The following PHLDB2 variants were observed in gnomAD, a reference collection of about 807,000 sequenced individuals.
PHLDB2 encodes the protein pleckstrin homology like domain family B member 2.
PHLDB2 carries 71 observed loss-of-function variants against 123.6 expected under a neutral mutation model. The observed-to-expected ratio is 0.57, with a 90% CI of 0.47 to 0.70. The LOEUF is 0.70. PHLDB2 is among the 30% of genes least tolerant of loss of function. The probability of loss-of-function intolerance (pLI) is 0.00; values close to 1 mark genes in which losing one functional copy is unlikely to be tolerated. For synonymous variants in PHLDB2, 547 were observed against 541.6 expected (o/e 1.01, Z -0.14); for missense variants, 1,446 against 1,519.5 (o/e 0.95, Z 0.80).
At chr3:111,877,234 G>GT (rs1194484899) in intron 1 of PHLDB2, among the ~76,000 whole-genome samples, 1 of 152,214 alleles carries the variant, frequency 6.6e-6, no homozygotes, top group Admixed American at 6.5e-5. Flanking sequence ...AACATCTGTT[G>GT]TTTCCTGACT....
chr3:111,831,017 GAAAGAAAGAAAGAAAGGAAGGAAGGAA>G (rs2062990177), intron 1 of PHLDB2, among the ~76,000 whole-genome samples: 1 of 109,768 alleles, frequency 9.1e-6, no homozygotes, highest in African/African-American at 4.4e-5. Context: ...AAGAAAGAAA[GAAAGAAAGAAAGAAAGGAAGGAAGGAA>G]GAAAGAGAAA....
chr3:111,845,217 T>G (rs1424749319), intron 1 of PHLDB2, among the ~76,000 whole-genome samples: 1 of 151,760 alleles, frequency 6.6e-6, no homozygotes, highest in Admixed American at 6.6e-5. Flanking sequence ...TAGCCAGGCC[T>G]GGTGGCACAT....
At chr3:111,781,370 C>A (rs762589922) in intron 1 of PHLDB2, among the ~76,000 whole-genome samples, 2 of 152,000 alleles carry the variant, frequency 1.3e-5, no homozygotes, top group Non-Finnish European at 2.9e-5. Flanking sequence ...TCCCATCCTT[C>A]TTTATCCCTC....
chr3:111,833,981 A>T lies in PHLDB2; in HGVS notation c.-48-11840A>T, dbSNP rs1206434544. On this transcript the variant is annotated intron_variant, in intron 1 of 17. Coordinates refer to the PHLDB2 transcript ENST00000393923. The stretch of plus-strand genomic sequence containing the variant: ...ATATATGTAATGGAATTATATATAT[A>T]ATATATGTAATAGAATTATATATAA... 4.4e-3 allele frequency among the ~76,000 whole-genome samples: 477 copies of T among 108,606 alleles called. 143 individuals are homozygous for T. The highest frequency in any genetic ancestry group is 0.016 in the African/African-American group (378 of 24,098). 71.2% of individuals were successfully genotyped at this position (108,606 alleles called of 152,430 possible).
At chr3:111,814,782 C>A (rs922801430) in intron 1 of PHLDB2, among the ~76,000 whole-genome samples, 1 of 152,128 alleles carries the variant, frequency 6.6e-6, no homozygotes, top group East Asian at 1.9e-4. Context: ...GAGGGAAACC[C>A]GAGGAACATC....
chr3:111,866,684 T>G (rs1370321933), intron 1 of PHLDB2, among the ~76,000 whole-genome samples: 1 of 152,210 alleles, frequency 6.6e-6, no homozygotes, highest in Non-Finnish European at 1.5e-5. Flanking sequence ...TTGATAATTC[T>G]CTTGCTTGAA....
intron 1 of PHLDB2, among the ~76,000 whole-genome samples, chr3:111,861,547 A>G (rs928841647): frequency 6.6e-6 from 1 of 152,210 alleles, no homozygotes; most frequent in African/African-American, 2.4e-5. Flanking sequence ...AGTAGTCATC[A>G]TTTCAGTCAA....
intron 1 of PHLDB2, among the ~76,000 whole-genome samples, chr3:111,739,959 AT>A (rs1354851884): frequency 2.0e-5 from 3 of 151,844 alleles, no homozygotes; most frequent in South Asian, 4.2e-4. Flanking sequence ...CATTTTTAAA[AT>A]TTTTTTTTAC....
intron 1 of PHLDB2, among the ~76,000 whole-genome samples, chr3:111,862,475 A>T (rs977161479): frequency 2.0e-5 from 3 of 152,208 alleles, no homozygotes; most frequent in Admixed American, 6.5e-5. Context: ...GGTTGTAGCA[A>T]CTGACAGGAG....
intron 1 of PHLDB2, among the ~76,000 whole-genome samples, chr3:111,771,283 CTG>C (rs1285197080): frequency 6.6e-6 from 1 of 152,126 alleles, no homozygotes; most frequent in African/African-American, 2.4e-5. Flanking sequence ...GTCTTAGCTT[CTG>C]GTGGTTTTCT....
At chr3:111,931,049 A>T (rs1246334715) in intron 5 of PHLDB2, among the ~76,000 whole-genome samples, 1 of 152,200 alleles carries the variant, frequency 6.6e-6, no homozygotes, top group Non-Finnish European at 1.5e-5. Context: ...GGCCATTTTG[A>T]TAAAATGTAG....
intron 1 of PHLDB2, among the ~76,000 whole-genome samples, chr3:111,825,977 T>A (rs1305703554): frequency 6.6e-6 from 1 of 152,086 alleles, no homozygotes; most frequent in Non-Finnish European, 1.5e-5. Context: ...TTTATTTTTG[T>A]CATTTTTCCT....
At chr3:111,839,155 C>A (rs1051688051) in intron 1 of PHLDB2, among the ~76,000 whole-genome samples, 4 of 151,914 alleles carry the variant, frequency 2.6e-5, no homozygotes, top group Admixed American at 1.3e-4. Flanking sequence ...ATAAATTAGC[C>A]AAGAGGCCAC....
At chr3:111,787,395 G>A (rs768205630) in intron 1 of PHLDB2, among the ~76,000 whole-genome samples, 2 of 152,212 alleles carry the variant, frequency 1.3e-5, no homozygotes. Context: ...GAACTTATAA[G>A]TGAGATATTC....
chr3:111,787,515 C>T (rs1246461852), intron 1 of PHLDB2, among the ~76,000 whole-genome samples: 3 of 152,156 alleles, frequency 2.0e-5, no homozygotes, highest in African/African-American at 7.2e-5. Flanking sequence ...TGGTGTGTGA[C>T]TGTGGCCTGA....
chr3:111,947,199 A>G (rs942493571), intron 9 of PHLDB2, among the ~76,000 whole-genome samples: 7 of 152,202 alleles, frequency 4.6e-5, no homozygotes, highest in Non-Finnish European at 1.0e-4. Flanking sequence ...TGGGCTCTAA[A>G]GTCTTTTCGT....
chr3:111,864,243 A>T (rs1469943349), intron 1 of PHLDB2, among the ~76,000 whole-genome samples: 1 of 152,186 alleles, frequency 6.6e-6, no homozygotes, highest in African/African-American at 2.4e-5. Context: ...TCATCTGGCC[A>T]TTCTTGTTAC....
intron 1 of PHLDB2, among the ~76,000 whole-genome samples, chr3:111,777,883 G>A (rs2060294208): frequency 6.7e-6 from 1 of 148,788 alleles, no homozygotes; most frequent in African/African-American, 2.5e-5. Flanking sequence ...CAGTATAGAT[G>A]TTACATATTC....
intron 2 of PHLDB2, chr3:111,911,600 T>A: frequency 6.5e-7 from 1 of 1,534,858 alleles, no homozygotes; most frequent in Non-Finnish European, 8.7e-7. Context: ...GTACCAGGGC[T>A]CCTGGATGGA....
Sources: allele counts gnomAD v4.1 joint callset (sites outside exome capture counted in the v4.1 genomes callset), GRCh38; gene constraint gnomAD v4.1.1; transcripts MANE v1.5; gene names NCBI Gene and HGNC (gene_info 2026-07-23, HGNC 2026-07-21).